The following SNX25 variants were observed in gnomAD, a reference collection of about 807,000 sequenced individuals.
SNX25 encodes the protein sorting nexin 25.
In SNX25, 62 loss-of-function variants were observed where a neutral mutation model predicts 113.7. The observed-to-expected ratio is 0.55, with a 90% CI of 0.44 to 0.67. The LOEUF (loss-of-function observed/expected upper bound fraction) is 0.67, where lower values mean the gene tolerates loss of function less well. SNX25 is among the 30% of genes least tolerant of loss of function. The pLI is 0.00. For synonymous variants in SNX25, 421 were observed against 436.2 expected (o/e 0.97, Z 0.43); for missense variants, 1,014 against 1,161.0 (o/e 0.87, Z 1.84).
intron 1 of SNX25, among the ~76,000 whole-genome samples, chr4:185,247,031 T>C (rs1744955204): frequency 1.3e-5 from 2 of 152,198 alleles, no homozygotes; most frequent in African/African-American, 4.8e-5. Flanking sequence ...ATCGGTTTGT[T>C]TACTCCCTAC....
Position 185,310,787 on chromosome 4 carries a change from G to A in SNX25, c.1315G>A (p.Asp439Asn), listed in dbSNP as rs768700895. The A allele has an allele frequency of 1.4e-5, 23 of 1,612,848 alleles. No individual in the cohort carries two copies. In the East Asian group the frequency reaches 4.2e-4, roughly 30 times the overall value. The change falls in exon 7 of 19, where the codon GAT becomes AAT. Residue 439 changes from aspartate to asparagine, a missense_variant. Physicochemically the swap from Asp to Asn is conservative, Grantham distance 23. Transcript: ENST00000652585. ...TGACCAGCAAGAGGATGGGGCCCTG[G>A]ATGAGGGGGAAGGGCCTCAAAGCCA... ...AYDQQEDGAL[D>N]EGEGPQSQKI...
chr4:185,358,834 A>T (rs1446810547), intron 16 of SNX25, among the ~76,000 whole-genome samples: 1 of 152,230 alleles, frequency 6.6e-6, no homozygotes, highest in African/African-American at 2.4e-5. Flanking sequence ...ACTTTTTTAT[A>T]TAACAAAATA....
At position 185,347,443 on chromosome 4, in the gene SNX25, G is replaced by GT. The variant is rs796980253; in HGVS notation, c.2301+802dup. 4.4e-3 allele frequency among the ~76,000 whole-genome samples: 657 copies of GT among 150,702 alleles called. 4 individuals are homozygous for GT. Among genetic ancestry groups the GT allele is most frequent in the African/African-American group, 0.014 (582 of 41,042 alleles). On this transcript the variant is annotated intron_variant, in intron 13 of 18. Transcript: ENST00000652585. ...TCTCATTGTGTTTGGGGGGTTTGGTGTTTTTTTTTGTTTTCTTTTGTTTTG... is the reference window on the plus strand; with the variant it reads ...TCTCATTGTGTTTGGGGGGTTTGGTGTTTTTTTTTTGTTTTCTTTTGTTTTG...
intron 9 of SNX25, among the ~76,000 whole-genome samples, chr4:185,328,161 A>G (rs923051573): frequency 5.3e-5 from 8 of 152,244 alleles, no homozygotes; most frequent in African/African-American, 1.2e-4. Context: ...TCCAGTAGTT[A>G]TAAGATTTTT....
At chr4:185,315,459 A>T (rs1484299567) in intron 7 of SNX25, among the ~76,000 whole-genome samples, 1 of 151,742 alleles carries the variant, frequency 6.6e-6, no homozygotes, top group Non-Finnish European at 1.5e-5. Context: ...ACGCCCAGCT[A>T]ATGTTTGTAT....
At position 185,277,795 on chromosome 4, in the gene SNX25, G is replaced by C. The variant is rs560104763; in HGVS notation, c.1092-10217G>C. Among the ~76,000 whole-genome samples, 118 of 40,452 alleles carry C rather than the reference G, an allele frequency of 2.9e-3. 25 individuals are homozygous for C. The highest frequency in any genetic ancestry group is 4.9e-3 in the Non-Finnish European group (94 of 19,310). 26.5% of individuals were successfully genotyped at this position (40,452 alleles called of 152,430 possible). ...TCGCCCAGGCTGGAGTGCAGTGGCGGGATCTCGGCTCACTGCAAGCTCCGC... is the reference window on the plus strand; with the variant it reads ...TCGCCCAGGCTGGAGTGCAGTGGCGCGATCTCGGCTCACTGCAAGCTCCGC... On this transcript the variant is annotated intron_variant, in intron 5 of 18. Coordinates refer to ENST00000652585, the MANE Select transcript of SNX25 (RefSeq NM_001378034.2).
chr4:185,272,819 C>T (rs1313196461), intron 5 of SNX25, among the ~76,000 whole-genome samples: 1 of 152,128 alleles, frequency 6.6e-6, no homozygotes, highest in African/African-American at 2.4e-5. Flanking sequence ...ATTCTTTTAC[C>T]ACGTTTATTG....
chr4:185,378,592 C>T, the SNX25 span: 1 of 998,812 alleles, frequency 1.0e-6, no homozygotes, highest in Non-Finnish European at 1.2e-6. Context: ...GCCCTTGTAA[C>T]TGACACTCAT....
downstream of SNX25, chr4:185,366,510 T>G (rs542061431): frequency 4.1e-4 from 62 of 152,338 alleles, no homozygotes; most frequent in African/African-American, 1.4e-3. Context: ...CCCACTTTTT[T>G]GAAGTTTATA....
intron 1 of SNX25, among the ~76,000 whole-genome samples, chr4:185,244,419 A>G (rs945006973): frequency 5.3e-5 from 8 of 152,196 alleles, no homozygotes; most frequent in Admixed American, 5.2e-4. Context: ...CTCTGAAAGC[A>G]TTTAACTCCA....
intron 6 of SNX25, among the ~76,000 whole-genome samples, chr4:185,305,439 G>A (rs1560991097): frequency 2.0e-5 from 3 of 152,132 alleles, no homozygotes; most frequent in East Asian, 3.9e-4. Flanking sequence ...AAAGCACAGT[G>A]GTGCCATTTT....
chr4:185,230,857 G>A (rs929916239), intron 1 of SNX25, among the ~76,000 whole-genome samples: 1 of 152,198 alleles, frequency 6.6e-6, no homozygotes, highest in Non-Finnish European at 1.5e-5. Context: ...AGGGAATAGT[G>A]TCTAAAAATC....
At chr4:185,263,368 G>A (rs978748273) in intron 3 of SNX25, among the ~76,000 whole-genome samples, 13 of 152,140 alleles carry the variant, frequency 8.5e-5, no homozygotes, top group Non-Finnish European at 2.9e-5. Flanking sequence ...CTAGCTGGCA[G>A]CAAAGCTAGA....
At chr4:185,376,486 G>T in the SNX25 span, among the ~76,000 whole-genome samples, 1 of 149,278 alleles carries the variant, frequency 6.7e-6, no homozygotes, top group Non-Finnish European at 1.5e-5. Flanking sequence ...TACAGATGGG[G>T]TGTAGCCATG....
chr4:185,328,471 T>C (rs759117735), intron 9 of SNX25, among the ~76,000 whole-genome samples: 24 of 152,086 alleles, frequency 1.6e-4, no homozygotes, highest in Non-Finnish European at 3.1e-4. Flanking sequence ...AGTAATTCAG[T>C]TGACTAGGAA....
intron 12 of SNX25, among the ~76,000 whole-genome samples, chr4:185,345,697 G>A (rs907147538): frequency 6.6e-6 from 1 of 151,870 alleles, no homozygotes; most frequent in African/African-American, 2.4e-5. Flanking sequence ...AGGCTGAAGT[G>A]GGAGAATCGC....
intron 3 of SNX25, among the ~76,000 whole-genome samples, chr4:185,261,491 A>G (rs1747338169): frequency 6.6e-6 from 1 of 152,164 alleles, no homozygotes; most frequent in Non-Finnish European, 1.5e-5. Context: ...AGTATTTTAA[A>G]TCAATGTTTA....
intron 5 of SNX25, among the ~76,000 whole-genome samples, chr4:185,276,946 G>A (rs992437856): frequency 9.9e-5 from 15 of 152,198 alleles, no homozygotes; most frequent in Admixed American, 7.2e-4. Flanking sequence ...TAGGCGAAGG[G>A]TTGAGAAGGG....
intron 6 of SNX25, among the ~76,000 whole-genome samples, chr4:185,291,490 G>T (rs1433570773): frequency 6.6e-6 from 1 of 152,138 alleles, no homozygotes; most frequent in African/African-American, 2.4e-5. Context: ...TCAATTCCTA[G>T]AGCTGCCATA....
Sources: allele counts gnomAD v4.1 joint callset (sites outside exome capture counted in the v4.1 genomes callset), GRCh38; gene constraint gnomAD v4.1.1; transcripts MANE v1.5; gene names NCBI Gene and HGNC (gene_info 2026-07-23, HGNC 2026-07-21).